Variants in PCDHGB4 observed in about 807,000 individuals in gnomAD.
PCDHGB4 encodes the protein protocadherin gamma subfamily B, 4, also known as protocadherin gamma-B4.
A neutral mutation model predicts 60.5 loss-of-function variants in PCDHGB4; 38 were observed. The observed-to-expected ratio is 0.63, with a 90% CI of 0.48 to 0.82. The LOEUF is 0.82. Ranked by LOEUF, PCDHGB4 falls within the 40% of genes least tolerant of loss-of-function variation. The pLI, the probability that PCDHGB4 is intolerant of heterozygous loss-of-function variation, is 0.00. For synonymous variants in PCDHGB4, 456 were observed against 509.7 expected (o/e 0.89, Z 1.42); for missense variants, 1,109 against 1,209.6 (o/e 0.92, Z 1.23).
At chr5:141,421,854 C>T (rs1402137870) in intron 1 of PCDHGB4, 9 of 1,613,644 alleles carry the variant, frequency 5.6e-6, no homozygotes. Flanking sequence ...AGGCTGCTCA[C>T]CTGCTCCTCC....
At chr5:141,460,435 A>G (rs1002182353) in intron 1 of PCDHGB4, among the ~76,000 whole-genome samples, 1 of 152,144 alleles carries the variant, frequency 6.6e-6, no homozygotes, top group Admixed American at 6.6e-5. Context: ...GTATGGTGTG[A>G]GGTAACAATG....
intron 1 of PCDHGB4, chr5:141,411,443 G>A (rs780563062): frequency 6.6e-6 from 1 of 151,948 alleles, no homozygotes; most frequent in African/African-American, 2.4e-5. Context: ...CATTAGCAGA[G>A]TGTGGTAGCA....
intron 1 of PCDHGB4, among the ~76,000 whole-genome samples, chr5:141,461,046 G>A (rs984653754): frequency 6.6e-6 from 1 of 151,578 alleles, no homozygotes; most frequent in Non-Finnish European, 1.5e-5. Context: ...AGTCGATGGG[G>A]ACTTAGGTTG....
intron 1 of PCDHGB4, among the ~76,000 whole-genome samples, chr5:141,474,669 C>T (rs983136753): frequency 6.6e-6 from 1 of 152,198 alleles, no homozygotes; most frequent in Non-Finnish European, 1.5e-5. Flanking sequence ...CCTACCTAAC[C>T]TATGTGCCTA....
At chr5:141,450,829 A>T (rs187691791) in intron 1 of PCDHGB4, among the ~76,000 whole-genome samples, 19,077 of 135,014 alleles carry the variant, frequency 0.14, 1,595 homozygotes, top group African/African-American at 0.24. Context: ...TATTATTATT[A>T]TTTTTTTTTT....
chr5:141,399,332 C>T (rs2093787388), intron 1 of PCDHGB4: 1 of 1,613,994 alleles, frequency 6.2e-7, no homozygotes, highest in Non-Finnish European at 8.5e-7. Flanking sequence ...AAGTTGGTAA[C>T]AGATGGAACC....
intron 1 of PCDHGB4, chr5:141,392,963 G>C: frequency 6.2e-7 from 1 of 1,613,922 alleles, no homozygotes; most frequent in Non-Finnish European, 8.5e-7. Flanking sequence ...ATATCTCCAA[G>C]GACCTGGGGC....
In PCDHGB4 at chr5:141,476,948, G is replaced by T; in HGVS notation, c.2398-17859G>T. 6.2e-7 allele frequency: 1 copy of T among 1,614,180 alleles called. No individual in the cohort carries two copies. On this transcript the variant is annotated intron_variant, in intron 1 of 3. Transcript: ENST00000519479. The surrounding 1 kb of genome is among the most constrained non-coding windows in gnomAD (Gnocchi z 7.6). ...GGATCTGGATGAAGGCCCCAACGGTGAAATTATTTACTCCTTCGGCAGCCA... is the reference window on the plus strand; with the variant it reads ...GGATCTGGATGAAGGCCCCAACGGTTAAATTATTTACTCCTTCGGCAGCCA...
At position 141,423,043 on chromosome 5, in the gene PCDHGB4, T is replaced by C. The variant is rs940921497; in HGVS notation, c.2397+32762T>C. 10 of 1,614,058 alleles carry C rather than the reference T, an allele frequency of 6.2e-6. No homozygotes were observed. The Admixed American group carries it at 1.5e-4, about 24-fold the overall frequency. ...AGATTCAGGCCAGAACGCCTGGCTG[T>C]CCTATCGCCTGCTTAAGGCCAGCGA... is the stretch of plus-strand genomic sequence containing the variant. On this transcript the variant is annotated intron_variant, in intron 1 of 3. Transcript: ENST00000519479.
intron 1 of PCDHGB4, chr5:141,398,034 A>G: frequency 6.8e-7 from 1 of 1,475,238 alleles, no homozygotes; most frequent in South Asian, 1.4e-5. Context: ...AACTGGAACT[A>G]AAGCCCGTTC....
In PCDHGB4 at chr5:141,509,418, A is replaced by G. The variant is rs767758113; in HGVS notation, c.2546-1529A>G. Among the ~76,000 whole-genome samples the G allele has an allele frequency of 2.6e-5, 4 of 152,188 alleles. No individual in the cohort carries two copies. The South Asian group carries it at 6.2e-4, about 24-fold the overall frequency. ...TCAGGGCCTCCAGCAGCGAGCCCCA[A>G]TGAGTCAAACTCTTGTTTCCTCCTC... On this transcript the variant is annotated intron_variant, in intron 3 of 3. Transcript: ENST00000519479.
chr5:141,487,022 A>T lies in PCDHGB4; in HGVS notation c.2398-7785A>T. ...TCAGCTCCTGGAGGCCCCAGATCCC[A>T]GCCTGTTTGCAGTCTCTCGATATGC... On this transcript the variant is annotated intron_variant, in intron 1 of 3. Coordinates refer to ENST00000519479, the MANE Select transcript of PCDHGB4 (RefSeq NM_003736.4). The surrounding 1 kb of genome is among the most constrained non-coding windows in gnomAD (Gnocchi z 5.0). The T allele has an allele frequency of 1.2e-6, 2 of 1,614,212 alleles. No homozygotes were observed. Among genetic ancestry groups the T allele is most frequent in the Non-Finnish European group, 1.7e-6 (2 of 1,180,048 alleles).
intron 1 of PCDHGB4, among the ~76,000 whole-genome samples, chr5:141,434,766 A>T (rs1383531828): frequency 1.3e-5 from 2 of 151,012 alleles, no homozygotes; most frequent in Non-Finnish European, 3.0e-5. Context: ...CCCACTTCAC[A>T]CTTCTAAAAA....
chr5:141,408,869 A>T, intron 1 of PCDHGB4: 1 of 1,613,690 alleles, frequency 6.2e-7, no homozygotes, highest in Non-Finnish European at 8.5e-7. Flanking sequence ...CCCACCAAGA[A>T]GTGCCACCGC....
rs751976949 is a variant in PCDHGB4, at chr5:141,414,873, C to A, written c.2397+24592C>A. The A allele has an allele frequency of 6.2e-6, 10 of 1,614,108 alleles. No homozygotes were observed. The Admixed American group carries it at 1.2e-4, about 19-fold the overall frequency. ...ACCAGAACGACAATGCGCCCGAGAT[C>A]CTGTACCCCGCCCTCCCCACAGACG... On this transcript the variant is annotated intron_variant, in intron 1 of 3. Transcript: ENST00000519479.
chr5:141,404,083 G>A (rs761560113), intron 1 of PCDHGB4: 7 of 1,613,736 alleles, frequency 4.3e-6, no homozygotes, highest in Admixed American at 3.3e-5. Context: ...GAGACTCCGG[G>A]AAGAATGGTC....
rs1036281905 is a variant in PCDHGB4 at position 141,493,555 on chromosome 5, T to C, written c.2398-1252T>C. ...GCCAGTTATCCTTTTGGAGATTGAG[T>C]TCCCCCAGCTCCGTTTCCTCCTATC... On this transcript the variant is annotated intron_variant, in intron 1 of 3. Transcript: ENST00000519479. This position sits in a 1 kb window ranked among gnomAD's most constrained non-coding sequence, Gnocchi z 4.3. Among the ~76,000 whole-genome samples, 3 of 152,012 alleles carry C rather than the reference T, an allele frequency of 2.0e-5. No individual in the cohort carries two copies. Among genetic ancestry groups the C allele is most frequent in the African/African-American group, 7.3e-5 (3 of 41,362 alleles).
chr5:141,405,391 T>A, intron 1 of PCDHGB4: 1 of 1,595,892 alleles, frequency 6.3e-7, no homozygotes, highest in Non-Finnish European at 8.5e-7. Flanking sequence ...GTTCATTTTT[T>A]TTCTTTCTTT....
At chr5:141,403,125 A>G (rs755647554) in intron 1 of PCDHGB4, 2 of 1,614,028 alleles carry the variant, frequency 1.2e-6, no homozygotes. Context: ...GAGCCCCGGG[A>G]GCTGGCGGAG....
Sources: gnomAD v4.1 joint callset for allele counts (sites outside exome capture counted in the v4.1 genomes callset) on GRCh38, gnomAD v4.1.1 for gene constraint, Gnocchi (gnomAD v3.1) non-coding constraint, MANE v1.5 for transcripts, NCBI Gene and HGNC (gene_info 2026-07-23, HGNC 2026-07-21) for gene names.